Variants in EEA1 observed in about 807,000 individuals in gnomAD.
EEA1 encodes the protein early endosome antigen 1, 162kD.
In EEA1, 111 loss-of-function variants were observed where a neutral mutation model predicts 209.2. That is an observed-to-expected ratio of 0.53 (90% CI 0.45 to 0.62). The LOEUF is 0.62. Among genes scored for constraint, EEA1 ranks in the 20% least tolerant of loss-of-function variants. The pLI is 0.00. For synonymous variants in EEA1, 536 were observed against 540.6 expected, an observed-to-expected ratio of 0.99 and a Z score of 0.12; for missense variants, 1,343 against 1,530.8, an observed-to-expected ratio of 0.88 and a Z score of 2.05.
intron 14 of EEA1, among the ~76,000 whole-genome samples, chr12:92,816,679 TG>T (rs563835144): frequency 3.2e-4 from 49 of 152,330 alleles, no homozygotes; most frequent in Non-Finnish European, 4.9e-4. Flanking sequence ...ATTTGATGAA[TG>T]CATACACTTA....
At chr12:92,911,202 T>G (rs1880569983) in intron 1 of EEA1, among the ~76,000 whole-genome samples, 1 of 152,358 alleles carries the variant, frequency 6.6e-6, no homozygotes, top group East Asian at 1.9e-4. Flanking sequence ...AAAGTAGCTT[T>G]ATTCATAATA....
At chr12:92,818,211 T>C (rs1344307959) in intron 14 of EEA1, among the ~76,000 whole-genome samples, 7 of 152,162 alleles carry the variant, frequency 4.6e-5, no homozygotes, top group Non-Finnish European at 1.0e-4. Flanking sequence ...TTTAATTTAA[T>C]ATCTCACATC....
In EEA1 at chr12:92,857,120, A is replaced by G. The variant is rs115636071; in HGVS notation, c.366+155T>C. On this transcript the variant is annotated intron_variant, in intron 5 of 28. Transcript: ENST00000322349. ...AAAATTACATCTTCACTCCTCATACATTTGTTTGCATTCATCAGAATTCAA... is the reference window on the plus strand; with the variant it reads ...AAAATTACATCTTCACTCCTCATACGTTTGTTTGCATTCATCAGAATTCAA... Among the ~76,000 whole-genome samples, 3 of 152,036 alleles carry G rather than the reference A, an allele frequency of 2.0e-5. No homozygotes were observed. In the East Asian group the frequency reaches 5.8e-4, roughly 29 times the overall value.
chr12:92,827,268 T>G (rs1268333168), intron 12 of EEA1, among the ~76,000 whole-genome samples: 1 of 152,012 alleles, frequency 6.6e-6, no homozygotes, highest in Non-Finnish European at 1.5e-5. Flanking sequence ...GTGGGATAAT[T>G]GCTTGAACCC....
At chr12:92,796,724 G>A (rs1411511821) in intron 21 of EEA1, among the ~76,000 whole-genome samples, 2 of 152,068 alleles carry the variant, frequency 1.3e-5, no homozygotes, top group African/African-American at 2.4e-5. Flanking sequence ...CTTTGTCATG[G>A]CCTATTATTA....
At chr12:92,905,040 T>C (rs1880314300) in intron 1 of EEA1, among the ~76,000 whole-genome samples, 1 of 152,170 alleles carries the variant, frequency 6.6e-6, no homozygotes, top group Non-Finnish European at 1.5e-5. Context: ...CTAGTGTCTA[T>C]GGCAACAAGT....
intron 3 of EEA1, 147 bp from the exon 4 acceptor site, chr12:92,857,632 A>G (rs1877939918): frequency 8.5e-6 from 4 of 469,030 alleles, no homozygotes; most frequent in Non-Finnish European, 1.5e-5. Context: ...CTATAATAGC[A>G]TATATATAAA....
chr12:92,859,213 G>C, intron 3 of EEA1: 2 of 1,613,232 alleles, frequency 1.2e-6, no homozygotes, highest in Non-Finnish European at 1.7e-6. Context: ...GAGGACTGCA[G>C]CCTATGGCCA....
chr12:92,805,755 C>G (rs950779930), intron 18 of EEA1, among the ~76,000 whole-genome samples: 4 of 152,142 alleles, frequency 2.6e-5, no homozygotes, highest in Non-Finnish European at 5.9e-5. Context: ...AATGATGCTG[C>G]AGCTAAGCAC....
intron 13 of EEA1, among the ~76,000 whole-genome samples, chr12:92,820,704 G>T (rs900056045): frequency 2.6e-5 from 4 of 151,894 alleles, no homozygotes; most frequent in Non-Finnish European, 5.9e-5. Context: ...TGGTACATGT[G>T]TAACTATGTA....
At chr12:92,872,397 A>G (rs1313615598) in intron 2 of EEA1, among the ~76,000 whole-genome samples, 2 of 152,140 alleles carry the variant, frequency 1.3e-5, no homozygotes, top group African/African-American at 2.4e-5. Flanking sequence ...TATGTCATAT[A>G]ATGTGTTCAA....
intron 10 of EEA1, among the ~76,000 whole-genome samples, chr12:92,836,755 T>A (rs1441070279): frequency 6.6e-6 from 1 of 152,150 alleles, no homozygotes; most frequent in Non-Finnish European, 1.5e-5. Flanking sequence ...TACTGCCTAA[T>A]TTACTAGGCA....
chr12:92,905,720 A>C (rs938473689), intron 1 of EEA1: 1 of 152,224 alleles, frequency 6.6e-6, no homozygotes, highest in East Asian at 1.9e-4. Flanking sequence ...AAAAACTATC[A>C]AAGAAGCAAA....
At chr12:92,903,093 C>G (rs937766943) in intron 1 of EEA1, among the ~76,000 whole-genome samples, 3 of 151,632 alleles carry the variant, frequency 2.0e-5, no homozygotes, top group Admixed American at 1.3e-4. Context: ...CGCCACCACA[C>G]CCGGCTAATT....
chr12:92,854,620 C>CA (rs1877787588), intron 5 of EEA1, among the ~76,000 whole-genome samples: 1 of 152,222 alleles, frequency 6.6e-6, no homozygotes, highest in South Asian at 2.1e-4. Context: ...TGCACTTTTT[C>CA]AGCTGCTTTC....
intron 21 of EEA1, among the ~76,000 whole-genome samples, chr12:92,788,268 A>ATT (rs377183324): frequency 1.4e-5 from 2 of 146,480 alleles, no homozygotes; most frequent in Non-Finnish European, 1.5e-5. Flanking sequence ...AAAGTAATTA[A>ATT]TTTTTTTTTT....
chr12:92,898,731 C>CTTTT (rs772593153), intron 1 of EEA1, among the ~76,000 whole-genome samples: 10 of 76,110 alleles, frequency 1.3e-4, no homozygotes, highest in Non-Finnish European at 1.7e-4. Context: ...CTTTTTTTCC[C>CTTTT]TTTTTTTTTT....
intron 1 of EEA1, among the ~76,000 whole-genome samples, chr12:92,915,053 A>G (rs931769528): frequency 1.3e-5 from 2 of 152,192 alleles, no homozygotes; most frequent in African/African-American, 2.4e-5. Context: ...AATTGTTGCA[A>G]AGATTAAATA....
chr12:92,916,466 G>A (rs993998205), intron 1 of EEA1, among the ~76,000 whole-genome samples: 8 of 150,528 alleles, frequency 5.3e-5, no homozygotes, highest in Admixed American at 1.3e-4. Flanking sequence ...CAGCCTGATC[G>A]AAATAGTGAA....
Sources: gnomAD v4.1 joint callset for allele counts (sites outside exome capture counted in the v4.1 genomes callset) on GRCh38, gnomAD v4.1.1 for gene constraint, MANE v1.5 for transcripts, NCBI Gene and HGNC (gene_info 2026-07-23, HGNC 2026-07-21) for gene names.